TRIM37: variants seen among roughly 807,000 people sequenced by gnomAD.
TRIM37 encodes E3 ubiquitin-protein ligase TRIM37.
Under a neutral mutation model 129.8 loss-of-function variants are expected in TRIM37, and 80 were observed. That is an observed-to-expected ratio of 0.62 (90% CI 0.51 to 0.74). The LOEUF is 0.74. Ranked by LOEUF, TRIM37 falls within the 30% of genes least tolerant of loss-of-function variation. The pLI, the probability that TRIM37 is intolerant of heterozygous loss-of-function variation, is 0.00. For missense variants in TRIM37, 1,054 were observed against 1,176.5 expected (o/e 0.90, Z 1.52); for synonymous variants, 389 against 387.1 (o/e 1.00, Z -0.06).
At chr17:59,073,270 G>A (rs920782772) in intron 8 of TRIM37, 1 of 151,798 alleles carries the variant, frequency 6.6e-6, no homozygotes, top group African/African-American at 2.4e-5. Flanking sequence ...TCACCATGTA[G>A]CCTACATTTT....
Position 59,070,930 on chromosome 17 carries a change from C to G in TRIM37, c.702G>C (p.Lys234Asn). The G allele has an allele frequency of 6.2e-7, 1 of 1,613,924 alleles. No individual in the cohort carries two copies. The highest frequency in any genetic ancestry group is 8.5e-7 in the Non-Finnish European group (1 of 1,179,948). ...EVEHQLRSCSKSELISKSSEI... is the reference protein window; with the variant it reads ...EVEHQLRSCSNSELISKSSEI... Reference sequence around the variant, plus strand: ...CTGAGCTCTTAGATATCAACTCACTCTTACTACAAGACCGCAACTGTGTGA... The same window carrying G: ...CTGAGCTCTTAGATATCAACTCACTGTTACTACAAGACCGCAACTGTGTGA... The change falls in exon 9 of 24, where the codon AAG (lysine) becomes AAC (asparagine). Residue 234 changes from lysine (K) to asparagine (N), a missense_variant. Around this residue, in one of 3 missense-constraint regions of TRIM37, gnomAD observed 752 missense variants for 870.8 expected, o/e 0.86. Coordinates refer to ENST00000262294, the MANE Select transcript of TRIM37 (RefSeq NM_015294.6).
chr17:59,077,035 G>A (rs904417450), intron 7 of TRIM37, among the ~76,000 whole-genome samples: 1 of 152,072 alleles, frequency 6.6e-6, no homozygotes, highest in Admixed American at 6.6e-5. Flanking sequence ...TGATCCACCC[G>A]CCTCGGCCTC....
chr17:59,014,777 T>C (rs1226043409), intron 21 of TRIM37, among the ~76,000 whole-genome samples: 1 of 148,462 alleles, frequency 6.7e-6, no homozygotes, highest in Non-Finnish European at 1.5e-5. Context: ...CAAGGCAGAG[T>C]TCAGATAAGG....
chr17:59,051,637 GGAAGAAGA>G (rs2040353736), intron 13 of TRIM37, among the ~76,000 whole-genome samples: 1 of 152,074 alleles, frequency 6.6e-6, no homozygotes, highest in Non-Finnish European at 1.5e-5. Flanking sequence ...TCATGAGTTG[GGAAGAAGA>G]GAGCCATATA....
At chr17:59,103,741 C>T (rs1040587272) in intron 2 of TRIM37, among the ~76,000 whole-genome samples, 32 of 150,132 alleles carry the variant, frequency 2.1e-4, no homozygotes, top group Non-Finnish European at 4.7e-4. Context: ...TCTGCCCTCC[C>T]GGGTTCAAAC....
chr17:59,032,248 G>A (rs960489986), intron 17 of TRIM37, among the ~76,000 whole-genome samples, 158 bp from the exon 18 acceptor site: 9 of 152,156 alleles, frequency 5.9e-5, no homozygotes, highest in East Asian at 3.8e-4. Context: ...AACCAGGGCC[G>A]GGCGCGGTGG....
intron 13 of TRIM37, among the ~76,000 whole-genome samples, chr17:59,056,446 G>A (rs191931200): frequency 0.013 from 1,901 of 152,016 alleles, 22 homozygotes; most frequent in Non-Finnish European, 0.021. Context: ...AAAGTGATAA[G>A]GGGCCGGGCA....
At chr17:59,084,650 T>C (rs1443876208) in intron 4 of TRIM37, among the ~76,000 whole-genome samples, 6 of 152,204 alleles carry the variant, frequency 3.9e-5, no homozygotes, top group Non-Finnish European at 7.3e-5. Context: ...CTCAAATTCA[T>C]AGGTTAAAGC....
chr17:59,011,066 G>A lies in TRIM37; in HGVS notation c.2695+1262C>T, dbSNP rs2035192844. On this transcript the variant is annotated intron_variant, in intron 22 of 23. Transcript: ENST00000262294. ...GCGCCTGTAATCCCAGCTATGCAGA[G>A]GCTGAGGCAGGAGAATCGCTTGAAC... Among the ~76,000 whole-genome samples, 3 of 152,036 alleles carry A rather than the reference G, an allele frequency of 2.0e-5. No individual in the cohort carries two copies. The South Asian group carries it at 6.2e-4, about 32-fold the overall frequency.
chr17:59,031,842 A>C (rs1235312338), intron 18 of TRIM37, 54 bp downstream of exon 18: 1 of 1,559,968 alleles, frequency 6.4e-7, no homozygotes, highest in East Asian at 2.2e-5. Flanking sequence ...AAAATCCAAG[A>C]GTTCTTTTAG....
chr17:59,031,618 T>G (rs147826327), intron 18 of TRIM37, among the ~76,000 whole-genome samples: 1 of 152,224 alleles, frequency 6.6e-6, no homozygotes, highest in Non-Finnish European at 1.5e-5. Context: ...ATAAAGAAGA[T>G]AACCGTATTT....
rs2035391787 is a variant in TRIM37, at chr17:59,012,351, C to T, written c.2672G>A (p.Gly891Glu). 1 of 1,611,954 alleles carries T rather than the reference C, an allele frequency of 6.2e-7. No homozygotes were observed. Among genetic ancestry groups the T allele is most frequent in the Admixed American group, 1.7e-5 (1 of 59,942 alleles). ...ACCTTCTTCAGGGGCAGCTGAAGCT[C>T]CTTCAGGTAGTACAGGCTGTAACTC... ...TGELQPVLPE[G>E]ASAAPEEGMS... The change falls in exon 22 of 24, where the codon GGA (glycine) becomes GAA (glutamate). Residue 891 changes from glycine to glutamate, a missense_variant. Gly to Glu is a moderately conservative substitution (Grantham distance 98). Around this residue, in one of 3 missense-constraint regions of TRIM37, gnomAD observed 287 missense variants for 274.3 expected, o/e 1.05. Coordinates refer to ENST00000262294, the MANE Select transcript of TRIM37 (RefSeq NM_015294.6).
chr17:59,014,055 G>A (rs186299655), intron 21 of TRIM37, among the ~76,000 whole-genome samples: 38 of 152,104 alleles, frequency 2.5e-4, no homozygotes, highest in African/African-American at 8.4e-4. Context: ...TATCTCCATA[G>A]CAAATAAAAT....
At position 59,058,905 on chromosome 17, in the gene TRIM37, A is replaced by G. The variant is rs1416877396; in HGVS notation, c.1020-1851T>C. On this transcript the variant is annotated intron_variant, in intron 12 of 23. Coordinates refer to ENST00000262294, the MANE Select transcript of TRIM37 (RefSeq NM_015294.6). Reference sequence around the variant, plus strand: ...TACATTGGGAAAGCCAATATATTCTAATTTATATATCCAATCTTGTAAAAT... The same window carrying G: ...TACATTGGGAAAGCCAATATATTCTGATTTATATATCCAATCTTGTAAAAT... 2.6e-5 allele frequency among the ~76,000 whole-genome samples: 4 copies of G among 152,210 alleles called. No individual in the cohort carries two copies. The East Asian group carries it at 7.7e-4, about 29-fold the overall frequency.
In TRIM37 at chr17:59,093,590, CTTAT is replaced by C. The variant is rs1234250040; in HGVS notation, c.124-2254_124-2251del. Among the ~76,000 whole-genome samples, 3 of 152,176 alleles carry C rather than the reference CTTAT, an allele frequency of 2.0e-5. No homozygotes were observed. The East Asian group carries it at 5.8e-4, about 29-fold the overall frequency. On this transcript the variant is annotated intron_variant, in intron 2 of 23. Coordinates refer to ENST00000262294, the MANE Select transcript of TRIM37 (RefSeq NM_015294.6). ...CCCTTCAGATACTTTATTACGACGA[CTTAT>C]TTGTTGGTCTCCTTTGCCCTGCTAG...
intron 12 of TRIM37, among the ~76,000 whole-genome samples, chr17:59,057,585 G>A (rs1038049117): frequency 2.8e-4 from 43 of 152,120 alleles, no homozygotes; most frequent in Non-Finnish European, 4.3e-4. Context: ...GGGCAGTGGC[G>A]GGGTCTCAGC....
intron 2 of TRIM37, among the ~76,000 whole-genome samples, chr17:59,093,929 C>A (rs2044628594): frequency 6.6e-6 from 1 of 152,106 alleles, no homozygotes; most frequent in African/African-American, 2.4e-5. Context: ...GAGTCTCACT[C>A]CCTCCCCCAG....
intron 7 of TRIM37, 73 bp from the exon 8 acceptor site, chr17:59,075,787 C>T: frequency 1.7e-6 from 2 of 1,161,096 alleles, no homozygotes; most frequent in Non-Finnish European, 2.6e-6. Context: ...TTCCAATGAA[C>T]ATATTTAATA....
chr17:59,017,301 G>C lies in TRIM37; in HGVS notation c.2381C>G (p.Ser794Cys), dbSNP rs761850130. Residue 794 changes from serine (S) to cysteine (C), a missense_variant, in exon 20 of 24, where the codon TCT becomes TGT. Physicochemically the swap from Ser to Cys is moderately radical, Grantham distance 112. This residue lies in a region of TRIM37 where 287 missense variants were observed against 274.3 expected (regional missense o/e 1.05). Transcript: ENST00000262294. ...TCTGAATCCCTCAAATTTACCTTCAGACAGAGTCTGACAGTCTCCCTTTGA... is the reference window on the plus strand; with the variant it reads ...TCTGAATCCCTCAAATTTACCTTCACACAGAGTCTGACAGTCTCCCTTTGA... ...SRSKGDCQTL[S>C]EGSPGSSQSG... 1.2e-6 allele frequency: 2 copies of C among 1,614,098 alleles called. No individual in the cohort carries two copies. The highest frequency in any genetic ancestry group is 2.2e-5 in the South Asian group (2 of 91,078).
Sources: gnomAD v4.1 joint callset for allele counts (sites outside exome capture counted in the v4.1 genomes callset) on GRCh38, gnomAD v4.1.1 for gene constraint, gnomAD v4.1.1 regional missense constraint, MANE v1.5 for transcripts, NCBI Gene and HGNC (gene_info 2026-07-23, HGNC 2026-07-21) for gene names.